The following MAPK10 variants were observed in gnomAD, a reference collection of about 807,000 sequenced individuals.
The protein encoded by MAPK10 is JNK3 alpha protein kinase.
Under a neutral mutation model 59.3 loss-of-function variants are expected in MAPK10, and 25 were observed. The observed-to-expected ratio is 0.42, with a 90% CI of 0.31 to 0.59. The LOEUF (loss-of-function observed/expected upper bound fraction) is 0.59. Ranked by LOEUF, MAPK10 falls within the 20% of genes least tolerant of loss-of-function variation. The pLI is 0.15. For missense variants in MAPK10, 351 were observed against 568.9 expected, an observed-to-expected ratio of 0.62 and a Z score of 3.90; for synonymous variants, 190 against 200.5, an observed-to-expected ratio of 0.95 and a Z score of 0.44.
At chr4:86,029,358 C>T (rs1029090796) in intron 12 of MAPK10, 84 bp from the exon 13 acceptor site, 30 of 799,898 alleles carry the variant, frequency 3.8e-5, no homozygotes, top group Admixed American at 2.8e-4. Context: ...CAAATAATTA[C>T]GTTTTGATGG....
chr4:86,407,035 G>T (rs547719549), intron 1 of MAPK10, among the ~76,000 whole-genome samples: 34 of 152,162 alleles, frequency 2.2e-4, no homozygotes, highest in Non-Finnish European at 4.1e-4. Context: ...GACAAGGAAT[G>T]AATCTCTGGT....
chr4:86,314,851 C>G (rs553304944), intron 2 of MAPK10, among the ~76,000 whole-genome samples: 2 of 152,208 alleles, frequency 1.3e-5, no homozygotes, highest in East Asian at 3.9e-4. Flanking sequence ...ATTACACACA[C>G]AATCTTCTAT....
At chr4:86,227,161 A>T (rs992626600) in intron 2 of MAPK10, among the ~76,000 whole-genome samples, 1 of 152,204 alleles carries the variant, frequency 6.6e-6, no homozygotes, top group African/African-American at 2.4e-5. Flanking sequence ...ACAAAAGTGT[A>T]AATATCTACT....
At chr4:86,279,968 G>C (rs1478776282) in intron 2 of MAPK10, among the ~76,000 whole-genome samples, 2 of 152,022 alleles carry the variant, frequency 1.3e-5, no homozygotes, top group Non-Finnish European at 2.9e-5. Context: ...AACTCAAAAT[G>C]GATTAAAGAC....
intron 2 of MAPK10, among the ~76,000 whole-genome samples, chr4:86,270,503 T>TA (rs1353618393): frequency 6.6e-6 from 1 of 152,082 alleles, no homozygotes; most frequent in Non-Finnish European, 1.5e-5. Context: ...GGCAAAGCGC[T>TA]ATCATAGTCT....
At chr4:86,281,913 T>C (rs2094824302) in intron 2 of MAPK10, among the ~76,000 whole-genome samples, 1 of 152,154 alleles carries the variant, frequency 6.6e-6, no homozygotes, top group Non-Finnish European at 1.5e-5. Flanking sequence ...AATCAAACAC[T>C]GGAATTTCAA....
chr4:86,079,982 G>C (rs1412724289), intron 9 of MAPK10: 2 of 151,982 alleles, frequency 1.3e-5, no homozygotes, highest in African/African-American at 4.8e-5. Context: ...CCTTCTTCTA[G>C]TATTCTGCAC....
At chr4:86,360,903 T>C (rs1736821411), upstream of MAPK10, among the ~76,000 whole-genome samples, 1 of 152,212 alleles carries the variant, frequency 6.6e-6, no homozygotes, top group African/African-American at 2.4e-5. Flanking sequence ...TTTTACCTTT[T>C]TTATGTAAGA....
intron 3 of MAPK10, among the ~76,000 whole-genome samples, chr4:86,162,015 G>T (rs1221658458): frequency 6.6e-6 from 1 of 151,820 alleles, no homozygotes; most frequent in African/African-American, 2.4e-5. Flanking sequence ...TACTCTAAGA[G>T]CTACCCTATT....
chr4:86,107,453 A>G, intron 4 of MAPK10, 101 bp from the exon 5 acceptor site: 2 of 1,480,540 alleles, frequency 1.4e-6, no homozygotes, highest in Admixed American at 2.3e-5. Context: ...CTATTTCGGA[A>G]TCTTAGATAC....
chr4:86,165,416 C>A (rs930121877), intron 3 of MAPK10, among the ~76,000 whole-genome samples: 5 of 152,140 alleles, frequency 3.3e-5, no homozygotes, highest in Middle Eastern at 3.4e-3. Flanking sequence ...CTCGCTCTGT[C>A]ATCCAGCCTG....
At chr4:86,195,427 G>C in intron 2 of MAPK10, among the ~76,000 whole-genome samples, 1 of 151,722 alleles carries the variant, frequency 6.6e-6, no homozygotes, top group Non-Finnish European at 1.5e-5. Context: ...GCATAGCTGA[G>C]TGGTCAAAAA....
chr4:86,074,192 T>A (rs2048697697), intron 9 of MAPK10, among the ~76,000 whole-genome samples: 1 of 126,750 alleles, frequency 7.9e-6, no homozygotes, highest in African/African-American at 3.3e-5. Flanking sequence ...TTAAAGTCTG[T>A]TTTATCAGAG....
At chr4:86,128,319 C>A (rs1477969115) in intron 4 of MAPK10, among the ~76,000 whole-genome samples, 2 of 152,080 alleles carry the variant, frequency 1.3e-5, no homozygotes, top group African/African-American at 4.8e-5. Context: ...CAAATCTCAT[C>A]TTGAATTGTA....
rs188282310 is a variant in MAPK10, at chr4:86,133,246, A to T, written c.237-25894T>A. Among the ~76,000 whole-genome samples the T allele has an allele frequency of 3.3e-5, 5 of 152,330 alleles. No individual in the cohort carries two copies. In the East Asian group the frequency reaches 9.6e-4, roughly 29 times the overall value. On this transcript the variant is annotated intron_variant, in intron 4 of 13. Transcript: ENST00000641462. ...CATCTTCATGTGGAGACATATTAAA[A>T]GAGTATGCAGCCAAAAGTATATAGT...
intron 1 of MAPK10, among the ~76,000 whole-genome samples, chr4:86,575,429 T>C (rs1761811463): frequency 6.6e-6 from 1 of 152,164 alleles, no homozygotes; most frequent in Non-Finnish European, 1.5e-5. Context: ...TACACACAAG[T>C]AGTTAGAACA....
intron 2 of MAPK10, among the ~76,000 whole-genome samples, chr4:86,240,218 T>G (rs2092620021): frequency 6.6e-6 from 1 of 152,224 alleles, no homozygotes; most frequent in African/African-American, 2.4e-5. Context: ...AGAGACTGTT[T>G]GTTATGATTT....
rs555026788 is a variant in MAPK10 at position 86,185,975 on chromosome 4, G to A, written c.66+8361C>T. ...GAGTCCAGTTCCAGGAAAATGTTTG[G>A]GTTGGAGATAAAACTGTGTGATATT... On this transcript the variant is annotated intron_variant, in intron 3 of 13. Coordinates refer to ENST00000641462, the MANE Select transcript of MAPK10 (RefSeq NM_138982.4). 3.3e-5 allele frequency among the ~76,000 whole-genome samples: 5 copies of A among 152,078 alleles called. No individual in the cohort carries two copies. The East Asian group carries it at 9.7e-4, about 29-fold the overall frequency.
chr4:86,591,862 T>C (rs1357180655), intron 1 of MAPK10, among the ~76,000 whole-genome samples: 1 of 152,198 alleles, frequency 6.6e-6, no homozygotes, highest in African/African-American at 2.4e-5. Flanking sequence ...ATTGTTACAA[T>C]GTGATGGTGA....
Sources: allele counts gnomAD v4.1 joint callset (sites outside exome capture counted in the v4.1 genomes callset), GRCh38; gene constraint gnomAD v4.1.1; transcripts MANE v1.5; gene names NCBI Gene and HGNC (gene_info 2026-07-23, HGNC 2026-07-21).